IFT140: variants seen among roughly 807,000 people sequenced by gnomAD.
IFT140 encodes the protein intraflagellar transport 140.
In IFT140, 133 loss-of-function variants were observed where a neutral mutation model predicts 164.6. The observed-to-expected ratio is 0.81, with a 90% CI of 0.70 to 0.93. The LOEUF (loss-of-function observed/expected upper bound fraction) is 0.93. Among genes scored for constraint, IFT140 ranks in the 40% least tolerant of loss-of-function variants. The pLI is 0.00. For missense variants in IFT140, 2,045 were observed against 1,972.3 expected (o/e 1.04, Z -0.70); for synonymous variants, 860 against 817.3 (o/e 1.05, Z -0.89).
intron 2 of IFT140, among the ~76,000 whole-genome samples, chr16:1,608,782 C>A (rs972147775): frequency 6.6e-6 from 1 of 152,082 alleles, no homozygotes; most frequent in Non-Finnish European, 1.5e-5. Context: ...GTGGTGTGAT[C>A]ATGGCTCACT....
At chr16:1,524,474 C>G (rs1416794219) in intron 24 of IFT140, 78 bp downstream of exon 24, 16 of 1,555,348 alleles carry the variant, frequency 1.0e-5, no homozygotes, top group Non-Finnish European at 1.4e-5. Context: ...ACACGATTCT[C>G]TCTGTCCACT....
chr16:1,591,848 G>A (rs999707780), intron 6 of IFT140, among the ~76,000 whole-genome samples: 2 of 152,170 alleles, frequency 1.3e-5, no homozygotes, highest in Non-Finnish European at 2.9e-5. Flanking sequence ...GAATACCAGG[G>A]GTGCCACCAA....
chr16:1,607,676 C>A (rs553789994), intron 2 of IFT140, among the ~76,000 whole-genome samples: 1 of 152,248 alleles, frequency 6.6e-6, no homozygotes. Flanking sequence ...CCAAGTCTTG[C>A]TCTGTCACCC....
Position 1,526,053 on chromosome 16 carries a change from TC to T in IFT140, c.2601del (p.Lys868SerfsTer8). 6.3e-7 allele frequency: 1 copy of T among 1,596,688 alleles called. No homozygotes were observed. Among genetic ancestry groups the T allele is most frequent in the Non-Finnish European group, 8.5e-7 (1 of 1,172,018 alleles). The stretch of plus-strand genomic sequence containing the variant: ...TTCAGGAGGTCGTGGCGCTTGCACT[TC>T]CTGTACAGCTGCTCGGCGTCCTCCT... ...GMLEDAEQLY[R>X]KCKRHDLLNK... is the part of the protein sequence containing the mutation. On this transcript the variant is annotated frameshift_variant, in exon 21 of 31. Transcript: ENST00000426508. LOFTEE classifies it high-confidence loss of function.
intron 29 of IFT140, 97 bp from the exon 30 acceptor site, chr16:1,518,454 C>T (rs147755385): frequency 6.0e-5 from 74 of 1,237,988 alleles, no homozygotes; most frequent in Middle Eastern, 2.0e-4. Flanking sequence ...AGGAGCTCTC[C>T]GGAATGGCAG....
chr16:1,596,246 C>T (rs991837885), intron 4 of IFT140, among the ~76,000 whole-genome samples: 5 of 151,856 alleles, frequency 3.3e-5, no homozygotes, highest in African/African-American at 7.3e-5. Flanking sequence ...CAGTGGCTCC[C>T]GTGTCTGCAA....
intron 19 of IFT140, among the ~76,000 whole-genome samples, chr16:1,554,401 GC>G (rs888303871): frequency 3.2e-4 from 49 of 152,152 alleles, no homozygotes; most frequent in African/African-American, 1.2e-3. Context: ...GCTAGGAAAG[GC>G]CCCCCCAAGT....
intron 29 of IFT140, 142 bp from the exon 30 acceptor site, chr16:1,518,499 C>T (rs932765087): frequency 1.3e-6 from 1 of 768,358 alleles, no homozygotes; most frequent in African/African-American, 1.8e-5. Context: ...TTCATTAATT[C>T]CTTAATTTGT....
In IFT140 at chr16:1,563,992, C is replaced by A. The variant is rs370629233; in HGVS notation, c.2067+5G>T. On this transcript the variant is annotated splice_donor_5th_base_variant and intron_variant, in intron 17 of 30. Coordinates refer to ENST00000426508, the MANE Select transcript of IFT140 (RefSeq NM_014714.4). ...CTAAACTCAAATACAACAGGCAGAG[C>A]GTACCGCAGGGCCAGCGCGCCCATC... The A allele has an allele frequency of 6.4e-7, 1 of 1,563,622 alleles. No individual in the cohort carries two copies. The highest frequency in any genetic ancestry group is 8.7e-7 in the Non-Finnish European group (1 of 1,146,376).
intron 9 of IFT140, 33 bp from the exon 10 acceptor site, chr16:1,586,308 GT>G (rs758732576): frequency 6.3e-7 from 1 of 1,584,188 alleles, no homozygotes; most frequent in African/African-American, 1.4e-5. Context: ...TGTGAACAGA[GT>G]TAAAAAAAGG....
chr16:1,595,324 A>G (rs2035404887), intron 4 of IFT140, among the ~76,000 whole-genome samples: 1 of 151,380 alleles, frequency 6.6e-6, no homozygotes, highest in Non-Finnish European at 1.5e-5. Context: ...AATAAAATAA[A>G]GGAAACTTAC....
intron 1 of IFT140, 39 bp downstream of exon 1, chr16:1,611,929 C>G (rs1305122315): frequency 6.6e-6 from 1 of 152,200 alleles, no homozygotes. Flanking sequence ...TAACGTAGCG[C>G]AGAAGCACAT....
intron 10 of IFT140, 35 bp downstream of exon 10, chr16:1,586,095 A>G: frequency 6.2e-7 from 1 of 1,606,020 alleles, no homozygotes; most frequent in Non-Finnish European, 8.5e-7. Context: ...CATGCAGCAG[A>G]AAATGAGTGC....
At chr16:1,611,546 G>A (rs2036319034) in intron 1 of IFT140, among the ~76,000 whole-genome samples, 1 of 150,492 alleles carries the variant, frequency 6.6e-6, no homozygotes, top group Non-Finnish European at 1.5e-5. Context: ...CGGGCGCGGT[G>A]GCTCACGCCT....
chr16:1,562,212 G>A, intron 17 of IFT140, 96 bp from the exon 18 acceptor site: 1 of 1,122,322 alleles, frequency 8.9e-7, no homozygotes, highest in South Asian at 1.8e-5. Flanking sequence ...CTGCGTCACG[G>A]TGGGGTCGTT....
chr16:1,520,142 C>T lies in IFT140; in HGVS notation c.3862G>A (p.Ala1288Thr), dbSNP rs759103673. 27 of 1,614,110 alleles carry T rather than the reference C, an allele frequency of 1.7e-5. No homozygotes were observed. In the South Asian group the frequency reaches 2.4e-4, roughly 14 times the overall value. Reference sequence around the variant, plus strand: ...GGGAGGGCCTGCACCTGGGCACAAGCGTCATAAAAGCCAGCCAGGAGGTCC... The same window carrying T: ...GGGAGGGCCTGCACCTGGGCACAAGTGTCATAAAAGCCAGCCAGGAGGTCC... ...ALDLLAGFYD[A>T]CAQVEIDEYQ... is the part of the protein sequence containing the mutation. Residue 1288 changes from alanine (A) to threonine (T), a missense_variant, in exon 28 of 31, where the codon GCT becomes ACT. Coordinates refer to ENST00000426508, the MANE Select transcript of IFT140 (RefSeq NM_014714.4).
chr16:1,510,866 TG>T lies in IFT140; in HGVS notation c.*77del. ...ACATGTTTTTTCCCAGCAAAAATGCTGGCTTTGCCACAGCTGACAAAAAAAT... is the reference window on the plus strand; with the variant it reads ...ACATGTTTTTTCCCAGCAAAAATGCTGCTTTGCCACAGCTGACAAAAAAAT... On this transcript the variant is annotated 3_prime_UTR_variant, in exon 31 of 31. Coordinates refer to ENST00000426508, the MANE Select transcript of IFT140 (RefSeq NM_014714.4). 7.6e-7 allele frequency: 1 copy of T among 1,311,458 alleles called. No individual in the cohort carries two copies. The highest frequency in any genetic ancestry group is 1.1e-6 in the Non-Finnish European group (1 of 929,136). 81.2% of individuals were successfully genotyped at this position (1,311,458 alleles called of 1,614,324 possible).
At chr16:1,548,571 C>T (rs2032367699) in intron 19 of IFT140, among the ~76,000 whole-genome samples, 1 of 152,198 alleles carries the variant, frequency 6.6e-6, no homozygotes, top group Non-Finnish European at 1.5e-5. Flanking sequence ...AACTGATGAA[C>T]ATGATTGAAG....
At chr16:1,571,755 G>A (rs182673260) in intron 13 of IFT140, among the ~76,000 whole-genome samples, 70 of 152,312 alleles carry the variant, frequency 4.6e-4, no homozygotes, top group African/African-American at 1.4e-3. Flanking sequence ...GGGGAAGGAC[G>A]GGGCCCTGTC....
Sources: gnomAD v4.1 joint callset for allele counts (sites outside exome capture counted in the v4.1 genomes callset) on GRCh38, gnomAD v4.1.1 for gene constraint, MANE v1.5 for transcripts, NCBI Gene and HGNC (gene_info 2026-07-23, HGNC 2026-07-21) for gene names.